The following AGMO variants were observed in gnomAD, a reference collection of about 807,000 sequenced individuals.
AGMO encodes glyceryl-ether monooxygenase.
A neutral mutation model predicts 60.2 loss-of-function variants in AGMO; 75 were observed. That is an observed-to-expected ratio of 1.25 (90% CI 1.03 to 1.51). AGMO has a LOEUF of 1.51. Among genes scored for constraint, AGMO ranks in the 40% most tolerant of loss-of-function variants. The probability of loss-of-function intolerance (pLI) is 0.00; values close to 1 mark genes in which losing one functional copy is unlikely to be tolerated. For synonymous variants in AGMO, 261 were observed against 177.1 expected, an observed-to-expected ratio of 1.47 and a Z score of -3.76; for missense variants, 763 against 525.5, an observed-to-expected ratio of 1.45 and a Z score of -4.42.
At chr7:15,348,466 A>G (rs574001127) in intron 12 of AGMO, among the ~76,000 whole-genome samples, 3 of 152,268 alleles carry the variant, frequency 2.0e-5, no homozygotes, top group East Asian at 3.9e-4. Flanking sequence ...AGAAAGTTGT[A>G]TGAAGACAGT....
chr7:15,545,396 C>A (rs1169494437), intron 2 of AGMO, among the ~76,000 whole-genome samples: 1 of 151,868 alleles, frequency 6.6e-6, no homozygotes, highest in African/African-American at 2.4e-5. Context: ...TATTTTGATC[C>A]CATAAAATTT....
chr7:15,277,960 G>C (rs575115381), intron 12 of AGMO, among the ~76,000 whole-genome samples: 2 of 152,282 alleles, frequency 1.3e-5, no homozygotes, highest in South Asian at 2.1e-4. Context: ...TGAGGTCTCT[G>C]TGGAGGTGAG....
In AGMO at chr7:15,390,828, C is replaced by G; in HGVS notation, c.742+12G>C. ...CTGATTTAATTTTTTGATTTTAATA[C>G]ATTTTACTTACCAAAAATTTTATCC... On this transcript the variant is annotated intron_variant, in intron 7 of 12. Transcript: ENST00000342526. The G allele has an allele frequency of 1.9e-6, 3 of 1,596,888 alleles. No individual in the cohort carries two copies. Among genetic ancestry groups the G allele is most frequent in the Non-Finnish European group, 2.6e-6 (3 of 1,166,678 alleles).
chr7:15,418,696 T>G, intron 4 of AGMO, 43 bp from the exon 5 acceptor site: 2 of 1,160,408 alleles, frequency 1.7e-6, no homozygotes, highest in Non-Finnish European at 2.5e-6. Flanking sequence ...CATATATGAA[T>G]TCTCAATGCT....
chr7:15,270,059 C>G (rs1783548792), intron 12 of AGMO, among the ~76,000 whole-genome samples: 1 of 151,920 alleles, frequency 6.6e-6, no homozygotes, highest in Non-Finnish European at 1.5e-5. Flanking sequence ...GTAACTAATG[C>G]CGCAAAAAAG....
intron 12 of AGMO, among the ~76,000 whole-genome samples, chr7:15,203,492 C>A (rs898750111): frequency 3.3e-5 from 5 of 149,870 alleles, no homozygotes; most frequent in African/African-American, 7.3e-5. Context: ...TTTTTTTTTT[C>A]TTTTCTTTTT....
chr7:15,325,298 A>G (rs796957923), intron 12 of AGMO, among the ~76,000 whole-genome samples: 1 of 152,126 alleles, frequency 6.6e-6, no homozygotes, highest in African/African-American at 2.4e-5. Flanking sequence ...TATATCAAAT[A>G]TGTACTTTCA....
At chr7:15,307,847 A>G (rs947777293) in intron 12 of AGMO, among the ~76,000 whole-genome samples, 1 of 152,062 alleles carries the variant, frequency 6.6e-6, no homozygotes, top group African/African-American at 2.4e-5. Flanking sequence ...GAAATTTACA[A>G]GACTAAATAA....
At chr7:15,307,215 A>C (rs1780640311) in intron 12 of AGMO, among the ~76,000 whole-genome samples, 2 of 152,008 alleles carry the variant, frequency 1.3e-5, no homozygotes, top group African/African-American at 4.8e-5. Flanking sequence ...ATATTCCCTT[A>C]TGACAGACTG....
At chr7:15,122,760 A>G in the AGMO span, among the ~76,000 whole-genome samples, 1 of 152,070 alleles carries the variant, frequency 6.6e-6, no homozygotes, top group East Asian at 1.9e-4. Context: ...TTCTACCTTC[A>G]CAGCTTCCAC....
At chr7:15,330,133 T>C (rs929024100) in intron 12 of AGMO, among the ~76,000 whole-genome samples, 3 of 152,216 alleles carry the variant, frequency 2.0e-5, no homozygotes, top group Non-Finnish European at 4.4e-5. Flanking sequence ...ATTACTGTTT[T>C]AAGGATCACA....
intron 10 of AGMO, among the ~76,000 whole-genome samples, chr7:15,375,130 T>C (rs1783395178): frequency 2.0e-5 from 3 of 152,054 alleles, no homozygotes; most frequent in Admixed American, 6.6e-5. Context: ...CCTACAACAG[T>C]TGCCAAAAGA....
At chr7:15,334,333 C>T (rs1208249269) in intron 12 of AGMO, among the ~76,000 whole-genome samples, 8 of 149,230 alleles carry the variant, frequency 5.4e-5, no homozygotes, top group Non-Finnish European at 1.2e-4. Flanking sequence ...TTTAAATATG[C>T]ATCTGCTATT....
chr7:15,258,927 G>C (rs1296491123), intron 12 of AGMO, among the ~76,000 whole-genome samples: 4 of 152,048 alleles, frequency 2.6e-5, no homozygotes, highest in Admixed American at 1.3e-4. Flanking sequence ...CTGAACAGCA[G>C]TCCTTGAATC....
At chr7:15,313,230 T>A (rs1457454801) in intron 12 of AGMO, among the ~76,000 whole-genome samples, 1 of 152,204 alleles carries the variant, frequency 6.6e-6, no homozygotes, top group East Asian at 1.9e-4. Context: ...AAAAGTTTTC[T>A]TAGGAAAAAT....
At chr7:15,290,209 A>G (rs773395163) in intron 12 of AGMO, among the ~76,000 whole-genome samples, 1 of 151,632 alleles carries the variant, frequency 6.6e-6, no homozygotes, top group Non-Finnish European at 1.5e-5. Flanking sequence ...TTGTATTTTC[A>G]GTACAGATGG....
intron 8 of AGMO, among the ~76,000 whole-genome samples, chr7:15,389,982 G>A (rs1049380547): frequency 8.6e-5 from 13 of 152,008 alleles, no homozygotes; most frequent in South Asian, 6.2e-4. Flanking sequence ...CCAGTCCCCC[G>A]TACAGAGCTG....
chr7:15,139,974 G>C, the AGMO span, among the ~76,000 whole-genome samples: 1 of 150,846 alleles, frequency 6.6e-6, no homozygotes, highest in African/African-American at 2.4e-5. Context: ...GCAGGAAATA[G>C]AATACAAGTA....
intron 5 of AGMO, 80 bp from the exon 6 acceptor site, chr7:15,394,259 TCA>T (rs2128486684): frequency 9.3e-7 from 1 of 1,079,508 alleles, no homozygotes; most frequent in African/African-American, 1.6e-5. Context: ...CATTAGAAAC[TCA>T]CATAAATTAA....
Sources: allele counts gnomAD v4.1 joint callset (sites outside exome capture counted in the v4.1 genomes callset), GRCh38; gene constraint gnomAD v4.1.1; transcripts MANE v1.5; gene names NCBI Gene and HGNC (gene_info 2026-07-23, HGNC 2026-07-21).